Variants in NR5A2 observed in about 807,000 individuals in gnomAD.
The protein encoded by NR5A2 is nuclear receptor subfamily 5 group A member 2.
NR5A2 carries 26 observed loss-of-function variants against 62.7 expected under a neutral mutation model. That is an observed-to-expected ratio of 0.41 (90% CI 0.30 to 0.58). The LOEUF (loss-of-function observed/expected upper bound fraction) is 0.58, where lower values mean the gene tolerates loss of function less well. Among genes scored for constraint, NR5A2 ranks in the 20% least tolerant of loss-of-function variants. The pLI, the probability that NR5A2 is intolerant of heterozygous loss-of-function variation, is 0.22. For synonymous variants in NR5A2, 246 were observed against 241.7 expected (o/e 1.02, Z -0.16); for missense variants, 541 against 669.1 (o/e 0.81, Z 2.11).
intron 5 of NR5A2, among the ~76,000 whole-genome samples, chr1:200,085,673 A>G (rs1353881782): frequency 1.4e-4 from 16 of 114,350 alleles, no homozygotes; most frequent in South Asian, 8.7e-4. Flanking sequence ...AAAAAAAAAA[A>G]AAAAGAAAAG....
chr1:200,142,188 CTTTTTTTTTTTTTTTTT>C (rs535827114), intron 7 of NR5A2, among the ~76,000 whole-genome samples: 2 of 55,418 alleles, frequency 3.6e-5, no homozygotes, highest in African/African-American at 6.5e-5. Flanking sequence ...TTAAAGACTT[CTTTTTTTTTTTTTTTTT>C]TTTTTTTTTT....
chr1:200,055,467 G>A (rs936284302), intron 5 of NR5A2, among the ~76,000 whole-genome samples: 1 of 152,084 alleles, frequency 6.6e-6, no homozygotes, highest in African/African-American at 2.4e-5. Context: ...AAGTTTACAG[G>A]CGTGAACCAC....
intron 5 of NR5A2, among the ~76,000 whole-genome samples, chr1:200,058,968 G>A (rs12408236): frequency 0.062 from 9,369 of 151,356 alleles, 378 homozygotes; most frequent in African/African-American, 0.1. Context: ...AAATTAGCCC[G>A]GCGTGGTGGC....
intron 5 of NR5A2, among the ~76,000 whole-genome samples, chr1:200,079,868 T>TA (rs3838442): frequency 9.5e-4 from 141 of 149,006 alleles, no homozygotes; most frequent in Middle Eastern, 7.0e-3. Flanking sequence ...GGCCTTGTTA[T>TA]AAAAAAAAAA....
At chr1:200,123,328 C>T (rs1404798445) in intron 7 of NR5A2, among the ~76,000 whole-genome samples, 7 of 152,152 alleles carry the variant, frequency 4.6e-5, no homozygotes, top group Non-Finnish European at 1.5e-5. Context: ...GCGGGTGCAG[C>T]GTTCCAAGCT....
intron 7 of NR5A2, among the ~76,000 whole-genome samples, chr1:200,136,205 C>A (rs1460810520): frequency 2.6e-5 from 4 of 151,966 alleles, no homozygotes; most frequent in Admixed American, 6.6e-5. Flanking sequence ...TGCTAGGAAG[C>A]TCTTCACTTT....
chr1:200,038,773 G>C (rs1042691204), intron 1 of NR5A2: 1 of 1,352,300 alleles, frequency 7.4e-7, no homozygotes, highest in Non-Finnish European at 9.9e-7. Context: ...CTGACTAGCT[G>C]TAAGACCCGG....
At chr1:200,094,850 C>G (rs1665005124) in intron 5 of NR5A2, among the ~76,000 whole-genome samples, 1 of 151,906 alleles carries the variant, frequency 6.6e-6, no homozygotes, top group African/African-American at 2.4e-5. Context: ...CTTTGAATGT[C>G]AAAATATGAC....
rs1571708035 is a variant in NR5A2, at chr1:200,045,487, T to C, written c.366T>C (p.Cys122=). 1 of 1,612,940 alleles carries C rather than the reference T, an allele frequency of 6.2e-7. No individual in the cohort carries two copies. The highest frequency in any genetic ancestry group is 8.5e-7 in the Non-Finnish European group (1 of 1,179,190). The part of the protein sequence containing the change: ...RTVQNNKRYT[C]IENQNCQIDK... ...TCCAAAATAATAAAAGGTACACATG[T>C]ATAGAAAACCAGAACTGCCAAATTG... The change falls in exon 4 of 8, where the codon TGT becomes TGC. Residue 122 remains cysteine (C), a synonymous_variant. Transcript: ENST00000367362.
At chr1:200,151,820 T>A (rs1224027445) in intron 7 of NR5A2, among the ~76,000 whole-genome samples, 1 of 152,238 alleles carries the variant, frequency 6.6e-6, no homozygotes, top group Non-Finnish European at 1.5e-5. Context: ...TTTACTAGAT[T>A]GACTGCGTAA....
chr1:200,056,662 A>T (rs559181213), intron 5 of NR5A2, among the ~76,000 whole-genome samples: 20 of 152,184 alleles, frequency 1.3e-4, no homozygotes, highest in Non-Finnish European at 2.5e-4. Flanking sequence ...GAGCACTAAT[A>T]GTTTCCATGG....
At chr1:200,091,991 C>T (rs1309373154) in intron 5 of NR5A2, among the ~76,000 whole-genome samples, 1 of 152,050 alleles carries the variant, frequency 6.6e-6, no homozygotes, top group Non-Finnish European at 1.5e-5. Context: ...AATCACAGTC[C>T]CCCGAACTGC....
rs1050338778 is a variant in NR5A2, at chr1:200,034,745, G to T, written c.65-4913G>T. 5.1e-5 allele frequency among the ~76,000 whole-genome samples: 7 copies of T among 137,838 alleles called. No individual in the cohort carries two copies. The South Asian group carries it at 7.8e-4, about 15-fold the overall frequency. 90.4% of individuals were successfully genotyped at this position (137,838 alleles called of 152,430 possible). The stretch of plus-strand genomic sequence containing the variant: ...CCATCCTGCTCTAGGGGCTGATGTT[G>T]ATGTCTTAAGTAGTTATTCACACGT... On this transcript the variant is annotated intron_variant, in intron 1 of 7. Coordinates refer to ENST00000367362, the MANE Select transcript of NR5A2 (RefSeq NM_205860.3).
chr1:200,172,680 A>G (rs1019990673), intron 7 of NR5A2, among the ~76,000 whole-genome samples: 1 of 152,238 alleles, frequency 6.6e-6, no homozygotes, highest in African/African-American at 2.4e-5. Flanking sequence ...CAGCGAATGT[A>G]TGACAGCCCA....
intron 5 of NR5A2, among the ~76,000 whole-genome samples, chr1:200,063,454 G>A (rs1322246260): frequency 3.9e-5 from 6 of 152,136 alleles, no homozygotes; most frequent in Non-Finnish European, 8.8e-5. Context: ...CACCCCGCCC[G>A]GCCTAAAAGC....
chr1:200,065,484 T>G (rs1160776493), intron 5 of NR5A2, among the ~76,000 whole-genome samples: 1 of 152,228 alleles, frequency 6.6e-6, no homozygotes, highest in Non-Finnish European at 1.5e-5. Flanking sequence ...TTGCTGATTA[T>G]TTCATAGTTA....
chr1:200,108,918 A>G (rs949562030), intron 5 of NR5A2, among the ~76,000 whole-genome samples: 1 of 152,194 alleles, frequency 6.6e-6, no homozygotes, highest in Admixed American at 6.5e-5. Flanking sequence ...GGCAGGGAAC[A>G]TTTGGGCAGA....
At chr1:200,093,490 A>T (rs939201551) in intron 5 of NR5A2, among the ~76,000 whole-genome samples, 1 of 152,180 alleles carries the variant, frequency 6.6e-6, no homozygotes, top group Non-Finnish European at 1.5e-5. Context: ...TAGATTCCAG[A>T]TGCAAACTGG....
At chr1:200,144,851 T>C (rs1386564837) in intron 7 of NR5A2, among the ~76,000 whole-genome samples, 2 of 152,214 alleles carry the variant, frequency 1.3e-5, no homozygotes, top group African/African-American at 2.4e-5. Flanking sequence ...CTTATGAAAC[T>C]AGCAGATTCC....
Sources: allele counts gnomAD v4.1 joint callset (sites outside exome capture counted in the v4.1 genomes callset), GRCh38; gene constraint gnomAD v4.1.1; transcripts MANE v1.5; gene names NCBI Gene and HGNC (gene_info 2026-07-23, HGNC 2026-07-21).